PRMT7: variants seen among roughly 807,000 people sequenced by gnomAD.
The protein encoded by PRMT7 is protein arginine N-methyltransferase 7.
Under a neutral mutation model 85.4 loss-of-function variants are expected in PRMT7, and 75 were observed. The observed-to-expected ratio is 0.88, with a 90% CI of 0.73 to 1.06. The LOEUF is 1.06. Ranked by LOEUF, PRMT7 falls within the 50% of genes least tolerant of loss-of-function variation. The pLI, the probability that PRMT7 is intolerant of heterozygous loss-of-function variation, is 0.00. For synonymous variants in PRMT7, 397 were observed against 359.5 expected (o/e 1.10, Z -1.18); for missense variants, 868 against 915.2 (o/e 0.95, Z 0.67).
Position 68,355,855 on chromosome 16 carries a change from T to C in PRMT7, c.1783T>C (p.Cys595Arg). The change falls in exon 17 of 19, where the codon TGT becomes CGT. Residue 595 changes from cysteine (C) to arginine (R), a missense_variant. Physicochemically the swap from Cys to Arg is radical, Grantham distance 180. Coordinates refer to ENST00000441236, the MANE Select transcript of PRMT7 (RefSeq NM_019023.5). ...GCAGCCGGTGCCCCTGCAGCCCCTGTGTGCCGAGGGCACCGTGGAGCTCAG... is the reference window on the plus strand; with the variant it reads ...GCAGCCGGTGCCCCTGCAGCCCCTGCGTGCCGAGGGCACCGTGGAGCTCAG... ...FQQPVPLQPL[C>R]AEGTVELRRP... 1 of 1,606,830 alleles carries C rather than the reference T, an allele frequency of 6.2e-7. No homozygotes were observed. Among genetic ancestry groups the C allele is most frequent in the Non-Finnish European group, 8.5e-7 (1 of 1,178,740 alleles).
intron 8 of PRMT7, 28 bp from the exon 9 acceptor site, chr16:68,339,760 G>A: frequency 2.5e-6 from 4 of 1,605,572 alleles, no homozygotes; most frequent in Non-Finnish European, 3.4e-6. Flanking sequence ...GTTAAACTCT[G>A]CTTACATTCT....
intron 7 of PRMT7, among the ~76,000 whole-genome samples, chr16:68,338,138 G>T (rs1443774833): frequency 6.6e-6 from 1 of 152,160 alleles, no homozygotes; most frequent in Non-Finnish European, 1.5e-5. Flanking sequence ...ACTTATGCAG[G>T]CAGATGTGTG....
chr16:68,333,506 A>C (rs2084216118), intron 6 of PRMT7, among the ~76,000 whole-genome samples: 1 of 151,854 alleles, frequency 6.6e-6, no homozygotes, highest in South Asian at 2.1e-4. Flanking sequence ...AGAAAAGAAA[A>C]GAAACTAGGT....
intron 6 of PRMT7, among the ~76,000 whole-genome samples, chr16:68,333,130 C>T (rs2084147657): frequency 6.6e-6 from 1 of 151,938 alleles, no homozygotes; most frequent in Admixed American, 6.6e-5. Flanking sequence ...GTAGCTGGGA[C>T]CACAGGCAGG....
At position 68,355,786 on chromosome 16, in the gene PRMT7, C is replaced by G; in HGVS notation, c.1714C>G (p.Arg572Gly). ...CCACCCGCTGTGGGAGTACCCATGC[C>G]GCAGCCTCTCCGAGCCCTGGCAGAT... ...EPHPLWEYPC[R>G]SLSEPWQILT... The change falls in exon 17 of 19, where the codon CGC (arginine) becomes GGC (glycine). Residue 572 changes from arginine (R) to glycine (G), a missense_variant. Physicochemically the swap from Arg to Gly is moderately radical, Grantham distance 125. Coordinates refer to ENST00000441236, the MANE Select transcript of PRMT7 (RefSeq NM_019023.5). 6.2e-7 allele frequency: 1 copy of G among 1,611,658 alleles called. No homozygotes were observed.
intron 16 of PRMT7, 78 bp downstream of exon 16, chr16:68,353,644 C>T (rs1217645092): frequency 2.9e-6 from 4 of 1,371,264 alleles, no homozygotes; most frequent in South Asian, 1.6e-5. Context: ...CCAGCTTGGG[C>T]AGCACAGGCT....
intron 3 of PRMT7, among the ~76,000 whole-genome samples, chr16:68,316,588 A>G (rs1336638754): frequency 1.3e-5 from 2 of 151,972 alleles, no homozygotes; most frequent in Non-Finnish European, 2.9e-5. Context: ...CAACATGGAG[A>G]AACCCCGTTT....
chr16:68,352,170 G>C, intron 14 of PRMT7, 78 bp from the exon 15 acceptor site: 1 of 1,468,416 alleles, frequency 6.8e-7, no homozygotes, highest in Non-Finnish European at 9.2e-7. Context: ...TGAGTGGCCT[G>C]TTGCTTCCGT....
intron 6 of PRMT7, 54 bp downstream of exon 6, chr16:68,329,228 GA>G: frequency 7.4e-7 from 1 of 1,358,328 alleles, no homozygotes; most frequent in Non-Finnish European, 1.0e-6. Flanking sequence ...TGTGAGAGAG[GA>G]AAAGGGTTAT....
chr16:68,357,158 A>G lies in PRMT7; in HGVS notation c.2013A>G (p.Ala671=), dbSNP rs2088723783. 3 of 1,614,018 alleles carry G rather than the reference A, an allele frequency of 1.9e-6. No homozygotes were observed. Among genetic ancestry groups the G allele is most frequent in the Non-Finnish European group, 2.5e-6 (3 of 1,180,022 alleles). ...LLGGPRTVSY[A]VEFHPDTGDI... ...GTGGCCCACGGACTGTCAGCTATGCAGTGGAGTTTCACCCCGACACAGGCG... is the reference window on the plus strand; with the variant it reads ...GTGGCCCACGGACTGTCAGCTATGCGGTGGAGTTTCACCCCGACACAGGCG... The change falls in exon 19 of 19, where the codon GCA becomes GCG. Residue 671 remains alanine (A), a synonymous_variant. Coordinates refer to ENST00000441236, the MANE Select transcript of PRMT7 (RefSeq NM_019023.5).
chr16:68,352,081 C>T, intron 14 of PRMT7, 167 bp from the exon 15 acceptor site: 1 of 651,468 alleles, frequency 1.5e-6, no homozygotes, highest in Non-Finnish European at 2.6e-6. Context: ...GAGGGAGGGA[C>T]TGATGAGGGA....
At chr16:68,336,175 TGA>T (rs1271704254) in intron 6 of PRMT7, among the ~76,000 whole-genome samples, 1 of 152,212 alleles carries the variant, frequency 6.6e-6, no homozygotes, top group East Asian at 1.9e-4. Context: ...TTATAATTCA[TGA>T]GGCATTAAAA....
In PRMT7 at chr16:68,357,185, C is replaced by T; in HGVS notation, c.2040C>T (p.Asp680=). The T allele has an allele frequency of 6.2e-7, 1 of 1,613,966 alleles. No homozygotes were observed. The highest frequency in any genetic ancestry group is 8.5e-7 in the Non-Finnish European group (1 of 1,179,982). Reference sequence around the variant, plus strand: ...TGGAGTTTCACCCCGACACAGGCGACATCATCATGGAGTTCAGGCATGCAG... The same window carrying T: ...TGGAGTTTCACCCCGACACAGGCGATATCATCATGGAGTTCAGGCATGCAG... ...YAVEFHPDTG[D]IIMEFRHADT... Residue 680 remains aspartate, a synonymous_variant, in exon 19 of 19, where the codon GAC becomes GAT. Transcript: ENST00000441236.
intron 1 of PRMT7, 116 bp downstream of exon 1, chr16:68,311,215 C>T (rs2043595364): frequency 3.7e-6 from 2 of 535,762 alleles, no homozygotes; most frequent in East Asian, 3.4e-5. Flanking sequence ...CCTACTTGGA[C>T]TCCTCCGCGT....
Position 68,339,378 on chromosome 16 carries a change from C to T in PRMT7, c.561C>T (p.Ser187=), listed in dbSNP as rs781014616. The T allele has an allele frequency of 1.2e-5, 19 of 1,613,996 alleles. No individual in the cohort carries two copies. The highest frequency in any genetic ancestry group is 4.4e-5 in the South Asian group (4 of 91,072). Reference sequence around the variant, plus strand: ...CCGTCTATGCACAGCTGGTGGAGTCCGGGAGGATGTGGTCGTGGAACAAGC... The same window carrying T: ...CCGTCTATGCACAGCTGGTGGAGTCTGGGAGGATGTGGTCGTGGAACAAGC... The part of the protein sequence containing the change: ...RATVYAQLVE[S]GRMWSWNKLF... Residue 187 remains serine (S), a synonymous_variant, in exon 8 of 19, where the codon TCC becomes TCT. Transcript: ENST00000441236.
intron 2 of PRMT7, among the ~76,000 whole-genome samples, chr16:68,314,023 G>A (rs189629222): frequency 6.6e-6 from 1 of 152,334 alleles, no homozygotes; most frequent in Admixed American, 6.5e-5. Context: ...GGAACATTTA[G>A]TTGTATGCGT....
Position 68,352,358 on chromosome 16 carries a change from C to T in PRMT7, c.1524C>T (p.Ala508=). Residue 508 remains alanine (A), a synonymous_variant, in exon 15 of 19, where the codon GCC becomes GCT. Transcript: ENST00000441236. The stretch of plus-strand genomic sequence containing the variant: ...TGGACCAGCACCTGGGGCCAGGTGC[C>T]ATGGTGATGCCCCAGGCAGCCTCGC... ...TAVDQHLGPG[A]MVMPQAASLH... 6.2e-7 allele frequency: 1 copy of T among 1,610,586 alleles called. No homozygotes were observed. The highest frequency in any genetic ancestry group is 1.1e-5 in the South Asian group (1 of 91,004).
rs998994724 is a variant in PRMT7 at position 68,339,367 on chromosome 16, C to T, written c.550C>T (p.Leu184=). The change falls in exon 8 of 19, where the codon CTG becomes TTG. Residue 184 remains leucine (L), a synonymous_variant. Transcript: ENST00000441236. ...CCACAGAGCCACCGTCTATGCACAG[C>T]TGGTGGAGTCCGGGAGGATGTGGTC... The part of the protein sequence containing the change: ...VPHRATVYAQ[L]VESGRMWSWN... 1.5e-5 allele frequency: 24 copies of T among 1,614,050 alleles called. No individual in the cohort carries two copies. The highest frequency in any genetic ancestry group is 4.0e-5 in the African/African-American group (3 of 74,922).
Position 68,357,410 on chromosome 16 carries a change from G to C in PRMT7, c.*186G>C, listed in dbSNP as rs1597548681. The stretch of plus-strand genomic sequence containing the variant: ...CTGGCCTCTGGCTCCAGCTGTGGCA[G>C]GAAGCATGAGAGGGTGACTGAATTT... On this transcript the variant is annotated 3_prime_UTR_variant, in exon 19 of 19. Coordinates refer to ENST00000441236, the MANE Select transcript of PRMT7 (RefSeq NM_019023.5). 1 of 639,252 alleles carries C rather than the reference G, an allele frequency of 1.6e-6. No homozygotes were observed. Among genetic ancestry groups the C allele is most frequent in the African/African-American group, 1.9e-5 (1 of 54,026 alleles). The allele number at this position is 639,252 out of a possible 1,614,324, so 39.6% of individuals were successfully genotyped here. A position where few individuals can be genotyped will look rare whatever the true frequency, so the allele number is the denominator to read the frequency against.
Sources: allele counts gnomAD v4.1 joint callset (sites outside exome capture counted in the v4.1 genomes callset), GRCh38; gene constraint gnomAD v4.1.1; transcripts MANE v1.5; gene names NCBI Gene and HGNC (gene_info 2026-07-23, HGNC 2026-07-21).